Variants in FREM1 observed in about 807,000 individuals in gnomAD.
FREM1 encodes the protein FRAS1 related extracellular matrix 1, also known as FRAS1-related extracellular matrix protein 1.
Under a neutral mutation model 210.1 loss-of-function variants are expected in FREM1, and 220 were observed. That is an observed-to-expected ratio of 1.05 (90% CI 0.94 to 1.17). The LOEUF (loss-of-function observed/expected upper bound fraction) is 1.17, where lower values mean the gene tolerates loss of function less well. Ranked by LOEUF, FREM1 falls within the 50% of genes most tolerant of loss-of-function variation. The probability of loss-of-function intolerance (pLI) is 0.00; values close to 1 mark genes in which losing one functional copy is unlikely to be tolerated. For synonymous variants in FREM1, 1,189 were observed against 980.2 expected, an observed-to-expected ratio of 1.21 and a Z score of -3.98; for missense variants, 3,454 against 2,675.5, an observed-to-expected ratio of 1.29 and a Z score of -6.42.
rs146511750 is a variant in FREM1, at chr9:14,835,872, T to C, written c.1881+5575A>G. ...TTTGCTCCAAAACTTATCATACATT[T>C]GTCATTAAATCCTAGTCTCTTGTTT... On this transcript the variant is annotated intron_variant, in intron 10 of 36. Transcript: ENST00000380880. Among the ~76,000 whole-genome samples, 43 of 152,358 alleles carry C rather than the reference T, an allele frequency of 2.8e-4. 1 individual carries two copies. The highest frequency in any genetic ancestry group is 6.7e-4 in the African/African-American group (28 of 41,588).
At chr9:14,800,781 A>C (rs10738379) in intron 20 of FREM1, among the ~76,000 whole-genome samples, 27,104 of 152,176 alleles carry the variant, frequency 0.18, 2,989 homozygotes, top group South Asian at 0.26. Flanking sequence ...ACATTAATCC[A>C]AGCCTAGAGA....
chr9:14,742,798 G>A (rs552000982), intron 35 of FREM1, among the ~76,000 whole-genome samples: 33 of 152,146 alleles, frequency 2.2e-4, no homozygotes, highest in Non-Finnish European at 4.9e-4. Context: ...ACATAATTTT[G>A]AAAATCTACT....
chr9:14,787,087 C>G (rs528126641), intron 23 of FREM1, among the ~76,000 whole-genome samples: 3 of 152,196 alleles, frequency 2.0e-5, no homozygotes, highest in African/African-American at 7.2e-5. Context: ...TCAGAAAACA[C>G]AGCAACACAG....
chr9:14,745,656 C>T (rs1028700794), intron 35 of FREM1, among the ~76,000 whole-genome samples: 7 of 152,198 alleles, frequency 4.6e-5, no homozygotes, highest in African/African-American at 1.7e-4. Flanking sequence ...TAACCAGAGA[C>T]TTCCCTAGTC....
intron 1 of FREM1, among the ~76,000 whole-genome samples, chr9:14,887,000 T>C: frequency 6.6e-6 from 1 of 152,106 alleles, no homozygotes; most frequent in Admixed American, 6.5e-5. Flanking sequence ...AAGTTATTAA[T>C]ATAAATCAAA....
Position 14,835,445 on chromosome 9 carries a change from A to AG in FREM1, c.1881+6001dup, listed in dbSNP as rs535875566. On this transcript the variant is annotated intron_variant, in intron 10 of 36. Coordinates refer to ENST00000380880, the MANE Select transcript of FREM1 (RefSeq NM_001379081.2). ...GTTATTTTATCAAGGCTTTGACTGA[A>AG]GGGGTGTGTCTCCCTTTAAGGAATC... Among the ~76,000 whole-genome samples the AG allele has an allele frequency of 3.7e-3, 560 of 152,348 alleles. 2 individuals are homozygous for AG. The highest frequency in any genetic ancestry group is 4.9e-3 in the Non-Finnish European group (330 of 68,038).
intron 5 of FREM1, among the ~76,000 whole-genome samples, chr9:14,855,517 C>A (rs1260571469): frequency 3.3e-5 from 5 of 151,992 alleles, no homozygotes; most frequent in Non-Finnish European, 7.4e-5. Flanking sequence ...GAACAAGATA[C>A]AAAACTTCAC....
chr9:14,860,737 A>G (rs530729711), intron 3 of FREM1, among the ~76,000 whole-genome samples: 5 of 117,306 alleles, frequency 4.3e-5, no homozygotes, highest in African/African-American at 1.4e-4. Context: ...ACACATATAT[A>G]CACATATATA....
chr9:14,856,248 G>C (rs1355188058), intron 5 of FREM1, among the ~76,000 whole-genome samples: 1 of 152,190 alleles, frequency 6.6e-6, no homozygotes, highest in African/African-American at 2.4e-5. Flanking sequence ...CACACAGTTA[G>C]TTAAGTGGAC....
chr9:14,804,144 C>T (rs947969666), intron 19 of FREM1, among the ~76,000 whole-genome samples: 6 of 152,118 alleles, frequency 3.9e-5, no homozygotes, highest in Non-Finnish European at 8.8e-5. Context: ...GCCCAGCTAT[C>T]TACAAAATAA....
chr9:14,789,171 C>A, intron 22 of FREM1, 57 bp from the exon 23 acceptor site: 2 of 1,146,450 alleles, frequency 1.7e-6, no homozygotes, highest in South Asian at 1.9e-5. Context: ...CCCCAACGTA[C>A]GTTAGTGGAC....
At chr9:14,849,046 T>G (rs1827192728) in intron 6 of FREM1, among the ~76,000 whole-genome samples, 5 of 152,226 alleles carry the variant, frequency 3.3e-5, no homozygotes. Context: ...CTGCACTTGC[T>G]TAGGAGACCA....
intron 27 of FREM1, among the ~76,000 whole-genome samples, chr9:14,763,519 T>A (rs779595514): frequency 2.6e-5 from 4 of 152,112 alleles, no homozygotes; most frequent in Non-Finnish European, 5.9e-5. Context: ...AAAAGCTGGT[T>A]CAATGTGAAG....
Position 14,823,227 on chromosome 9 carries a change from T to C in FREM1, c.2270A>G (p.His757Arg), listed in dbSNP as rs764160261. Residue 757 changes from histidine (H) to arginine (R), a missense_variant, in exon 13 of 37, where the codon CAT becomes CGT. Coordinates refer to ENST00000380880, the MANE Select transcript of FREM1 (RefSeq NM_001379081.2). ...VQFTFSVSNQ[H>R]GGTLHGICFN... ...GCAGATCCCATGCAAAGTACCGCCA[T>C]GTTGGTTACTGACAGAAAATGTGAA... The C allele has an allele frequency of 5.6e-6, 9 of 1,613,942 alleles. No individual in the cohort carries two copies. The highest frequency in any genetic ancestry group is 5.9e-6 in the Non-Finnish European group (7 of 1,179,824).
At chr9:14,787,232 T>G (rs1850560581) in intron 23 of FREM1, among the ~76,000 whole-genome samples, 1 of 151,916 alleles carries the variant, frequency 6.6e-6, no homozygotes, top group Non-Finnish European at 1.5e-5. Flanking sequence ...TACAAAGTTA[T>G]GCAGCAACCT....
intron 1 of FREM1, among the ~76,000 whole-genome samples, chr9:14,884,290 G>A (rs1835376393): frequency 6.6e-6 from 1 of 152,170 alleles, no homozygotes. Flanking sequence ...GCTTGCTTGT[G>A]TGGCTCAGCT....
chr9:14,746,812 G>T, intron 34 of FREM1, 111 bp downstream of exon 34: 3 of 1,301,902 alleles, frequency 2.3e-6, no homozygotes, highest in Non-Finnish European at 2.1e-6. Context: ...TGTTAACAAT[G>T]GCAGGAAGAT....
intron 1 of FREM1, among the ~76,000 whole-genome samples, chr9:14,880,740 A>G (rs1834652665): frequency 6.6e-6 from 1 of 152,236 alleles, no homozygotes; most frequent in Admixed American, 6.5e-5. Flanking sequence ...TAACTTGAAA[A>G]TAAACATTTT....
At chr9:14,815,030 T>G (rs1304611277) in intron 15 of FREM1, among the ~76,000 whole-genome samples, 1 of 152,218 alleles carries the variant, frequency 6.6e-6, no homozygotes, top group Non-Finnish European at 1.5e-5. Context: ...AACTGTCCTT[T>G]TTGAAGCTGC....
Sources: allele counts gnomAD v4.1 joint callset (sites outside exome capture counted in the v4.1 genomes callset), GRCh38; gene constraint gnomAD v4.1.1; transcripts MANE v1.5; gene names NCBI Gene and HGNC (gene_info 2026-07-23, HGNC 2026-07-21).